Variants in EXOC6B observed in about 807,000 individuals in gnomAD.
EXOC6B encodes SEC15 homolog B.
EXOC6B carries 54 observed loss-of-function variants against 113.5 expected under a neutral mutation model. That is an observed-to-expected ratio of 0.48 (90% CI 0.38 to 0.60). The LOEUF (loss-of-function observed/expected upper bound fraction) is 0.60. Among genes scored for constraint, EXOC6B ranks in the 20% least tolerant of loss-of-function variants. The pLI, the probability that EXOC6B is intolerant of heterozygous loss-of-function variation, is 0.00. For missense variants in EXOC6B, 797 were observed against 977.5 expected (o/e 0.82, Z 2.46); for synonymous variants, 357 against 339.0 (o/e 1.05, Z -0.58).
At chr2:72,252,754 C>T (rs1338933717) in intron 20 of EXOC6B, among the ~76,000 whole-genome samples, 2 of 152,130 alleles carry the variant, frequency 1.3e-5, no homozygotes, top group Non-Finnish European at 2.9e-5. Flanking sequence ...TGAAAAACAA[C>T]CTATTGTGTA....
intron 6 of EXOC6B, among the ~76,000 whole-genome samples, chr2:72,587,191 A>C (rs1275225812): frequency 6.6e-6 from 1 of 152,214 alleles, no homozygotes; most frequent in Non-Finnish European, 1.5e-5. Flanking sequence ...GACTGGATAA[A>C]AAAAAAATGT....
At chr2:72,449,001 G>A (rs1033620659) in intron 18 of EXOC6B, among the ~76,000 whole-genome samples, 1 of 152,112 alleles carries the variant, frequency 6.6e-6, no homozygotes, top group African/African-American at 2.4e-5. Flanking sequence ...TGTGAAAAAA[G>A]ACAAAAATAA....
intron 17 of EXOC6B, among the ~76,000 whole-genome samples, chr2:72,476,387 T>C (rs1384654242): frequency 2.0e-5 from 3 of 152,220 alleles, no homozygotes; most frequent in African/African-American, 7.2e-5. Flanking sequence ...TGAAATGTGA[T>C]CATCTACTCA....
intron 20 of EXOC6B, among the ~76,000 whole-genome samples, chr2:72,212,882 C>T (rs545453006): frequency 6.6e-6 from 1 of 152,310 alleles, no homozygotes; most frequent in South Asian, 2.1e-4. Context: ...CCAAAGATGG[C>T]TGCAACAGTA....
At chr2:72,286,437 C>T (rs923767054) in intron 20 of EXOC6B, among the ~76,000 whole-genome samples, 3 of 152,016 alleles carry the variant, frequency 2.0e-5, no homozygotes, top group Non-Finnish European at 4.4e-5. Flanking sequence ...CATGACATTC[C>T]AGAAAAGGCA....
intron 19 of EXOC6B, among the ~76,000 whole-genome samples, chr2:72,348,500 CTCT>C (rs1313008172): frequency 6.6e-6 from 1 of 152,150 alleles, no homozygotes; most frequent in African/African-American, 2.4e-5. Flanking sequence ...TTGTATTCTT[CTCT>C]TCATCTCATT....
chr2:72,704,475 A>G (rs1678691446), intron 6 of EXOC6B, among the ~76,000 whole-genome samples: 1 of 147,970 alleles, frequency 6.8e-6, no homozygotes, highest in Non-Finnish European at 1.5e-5. Context: ...AATAACTAAA[A>G]TCAGAGCAGA....
At chr2:72,266,681 G>A (rs1160414585) in intron 20 of EXOC6B, among the ~76,000 whole-genome samples, 2 of 152,176 alleles carry the variant, frequency 1.3e-5, no homozygotes, top group African/African-American at 4.8e-5. Flanking sequence ...TTTGAAGTCA[G>A]GTAGCGTGAT....
intron 18 of EXOC6B, among the ~76,000 whole-genome samples, chr2:72,410,506 C>T (rs184128473): frequency 1.6e-4 from 24 of 152,168 alleles, no homozygotes; most frequent in East Asian, 1.2e-3. Context: ...TATACACAGG[C>T]CTTTATGCAA....
intron 7 of EXOC6B, among the ~76,000 whole-genome samples, chr2:72,563,652 T>C (rs1288387375): frequency 1.3e-5 from 2 of 152,120 alleles, no homozygotes; most frequent in East Asian, 1.9e-4. Context: ...AGATTTAGCA[T>C]AGATATGGGA....
chr2:72,707,077 C>T (rs894087283), intron 6 of EXOC6B, among the ~76,000 whole-genome samples: 2 of 152,228 alleles, frequency 1.3e-5, no homozygotes, highest in Admixed American at 1.3e-4. Context: ...AAAATCATCC[C>T]AGCTGATACC....
intron 8 of EXOC6B, among the ~76,000 whole-genome samples, chr2:72,524,232 A>G (rs1457719449): frequency 6.6e-6 from 1 of 152,064 alleles, no homozygotes; most frequent in East Asian, 1.9e-4. Flanking sequence ...ATACAGCCCC[A>G]TAATGATGTT....
chr2:72,337,423 A>G (rs1361913248), intron 19 of EXOC6B, among the ~76,000 whole-genome samples: 1 of 152,130 alleles, frequency 6.6e-6, no homozygotes, highest in Admixed American at 6.6e-5. Context: ...CTGCCATCCT[A>G]TATATGTCCA....
chr2:72,219,661 G>A (rs1209309179), intron 20 of EXOC6B, among the ~76,000 whole-genome samples: 1 of 152,066 alleles, frequency 6.6e-6, no homozygotes, highest in Non-Finnish European at 1.5e-5. Flanking sequence ...GTCAGCCATA[G>A]GTTTTCTCTT....
At chr2:72,452,829 T>C (rs1558681055) in intron 18 of EXOC6B, among the ~76,000 whole-genome samples, 1 of 152,204 alleles carries the variant, frequency 6.6e-6, no homozygotes, top group Non-Finnish European at 1.5e-5. Flanking sequence ...GGAAGGCACA[T>C]CTAGAAATAA....
At chr2:72,575,190 A>G (rs1573422045) in intron 7 of EXOC6B, among the ~76,000 whole-genome samples, 1 of 152,248 alleles carries the variant, frequency 6.6e-6, no homozygotes. Flanking sequence ...TCCTGTCTCT[A>G]GGTAGGTAAA....
chr2:72,531,698 A>T (rs1166041790), intron 8 of EXOC6B, among the ~76,000 whole-genome samples: 1 of 152,174 alleles, frequency 6.6e-6, no homozygotes, highest in Non-Finnish European at 1.5e-5. Context: ...TAAGAATGCC[A>T]TAGCAGGCCA....
intron 1 of EXOC6B, among the ~76,000 whole-genome samples, chr2:72,767,241 G>T (rs1683120730): frequency 1.3e-5 from 2 of 151,870 alleles, no homozygotes; most frequent in Non-Finnish European, 2.9e-5. Context: ...ACAAGACTAG[G>T]CAACATGGTG....
At chr2:72,771,107 C>T (rs1480857893) in intron 1 of EXOC6B, among the ~76,000 whole-genome samples, 1 of 152,110 alleles carries the variant, frequency 6.6e-6, no homozygotes, top group African/African-American at 2.4e-5. Context: ...GTGGTGACAA[C>T]TACAAAGTTA....
Sources: allele counts gnomAD v4.1 joint callset (sites outside exome capture counted in the v4.1 genomes callset), GRCh38; gene constraint gnomAD v4.1.1; transcripts MANE v1.5; gene names NCBI Gene and HGNC (gene_info 2026-07-23, HGNC 2026-07-21).